THSD7B: variants seen among roughly 807,000 people sequenced by gnomAD.
The protein encoded by THSD7B is thrombospondin type 1 domain containing 7B.
A neutral mutation model predicts 213.6 loss-of-function variants in THSD7B; 138 were observed. The ratio of observed to expected loss-of-function variants is 0.65; its 90% CI spans 0.56 to 0.74. THSD7B has a LOEUF of 0.74. Among genes scored for constraint, THSD7B ranks in the 30% least tolerant of loss-of-function variants. The probability of loss-of-function intolerance (pLI) is 0.00; values close to 1 mark genes in which losing one functional copy is unlikely to be tolerated. For synonymous variants in THSD7B, 742 were observed against 687.0 expected (o/e 1.08, Z -1.25); for missense variants, 1,931 against 1,991.5 (o/e 0.97, Z 0.58).
At chr2:137,499,101 T>G (rs75541325) in intron 15 of THSD7B, among the ~76,000 whole-genome samples, 11,030 of 152,210 alleles carry the variant, frequency 0.072, 453 homozygotes, top group African/African-American at 0.088. Context: ...GGGTAGGCTG[T>G]GTGCCTCTTG....
intron 12 of THSD7B, among the ~76,000 whole-genome samples, chr2:137,404,913 C>T (rs907436037): frequency 6.6e-5 from 10 of 151,858 alleles, no homozygotes; most frequent in African/African-American, 9.7e-5. Flanking sequence ...GTGTACACTG[C>T]TCAGGTGATG....
intron 15 of THSD7B, among the ~76,000 whole-genome samples, chr2:137,542,364 T>A (rs1392817318): frequency 6.6e-6 from 1 of 151,402 alleles, no homozygotes; most frequent in Non-Finnish European, 1.5e-5. Flanking sequence ...TCTTTGAAAA[T>A]TAAGGAGAAA....
chr2:137,428,999 C>G (rs1205491830), intron 14 of THSD7B, among the ~76,000 whole-genome samples: 1 of 152,094 alleles, frequency 6.6e-6, no homozygotes, highest in Non-Finnish European at 1.5e-5. Context: ...CACCAGACAC[C>G]AAGTTTGCCA....
chr2:137,417,397 T>C (rs1338825809), intron 14 of THSD7B, among the ~76,000 whole-genome samples: 6 of 152,138 alleles, frequency 3.9e-5, no homozygotes, highest in Non-Finnish European at 5.9e-5. Context: ...GCTTTTTTTT[T>C]CTAATTCCAG....
intron 12 of THSD7B, among the ~76,000 whole-genome samples, chr2:137,327,136 A>G (rs1429436820): frequency 6.6e-6 from 1 of 152,156 alleles, no homozygotes; most frequent in African/African-American, 2.4e-5. Context: ...TTTGCACTAT[A>G]TGCATATTGT....
chr2:136,820,375 G>A (rs1351538236), intron 1 of THSD7B, among the ~76,000 whole-genome samples: 4 of 152,174 alleles, frequency 2.6e-5, no homozygotes, highest in African/African-American at 9.7e-5. Flanking sequence ...TCCCAACAGT[G>A]AAACAAAGCC....
chr2:137,405,491 CG>C, intron 12 of THSD7B, 121 bp from the exon 13 acceptor site: 2 of 819,334 alleles, frequency 2.4e-6, no homozygotes, highest in Non-Finnish European at 3.7e-6. Flanking sequence ...TGTTGAACAC[CG>C]TTTGCACCAT....
At chr2:136,772,489 A>G (rs1681525545) in intron 1 of THSD7B, among the ~76,000 whole-genome samples, 1 of 152,208 alleles carries the variant, frequency 6.6e-6, no homozygotes, top group African/African-American at 2.4e-5. Flanking sequence ...AAAATTCAGA[A>G]AAGACAGACA....
intron 15 of THSD7B, among the ~76,000 whole-genome samples, chr2:137,517,760 G>A (rs1680098706): frequency 6.6e-6 from 1 of 152,176 alleles, no homozygotes; most frequent in Non-Finnish European, 1.5e-5. Flanking sequence ...TAGGGATGCT[G>A]TTTGGAGCCC....
intron 2 of THSD7B, among the ~76,000 whole-genome samples, chr2:136,916,643 G>A (rs516618): frequency 0.42 from 63,173 of 152,010 alleles, 15,054 homozygotes; most frequent in Non-Finnish European, 0.55. Context: ...TATTTTCCCC[G>A]CTGCTTCTCC....
intron 2 of THSD7B, among the ~76,000 whole-genome samples, chr2:136,969,323 A>G (rs1057083934): frequency 2.0e-5 from 3 of 152,180 alleles, no homozygotes; most frequent in African/African-American, 7.2e-5. Flanking sequence ...TTCTCAGCAC[A>G]TGGCTATGGT....
At position 137,437,350 on chromosome 2, in the gene THSD7B, G is replaced by A. The variant is rs1687316729; in HGVS notation, c.2960-13495G>A. Among the ~76,000 whole-genome samples the A allele has an allele frequency of 2.6e-5, 4 of 152,200 alleles. No homozygotes were observed. In the South Asian group the frequency reaches 8.3e-4, roughly 32 times the overall value. ...ATTGTCTAAACAGTCAGTATAAGGA[G>A]ATGGTCTTGCCTGTGCCCTCACTGC... On this transcript the variant is annotated intron_variant, in intron 14 of 27. Transcript: ENST00000409968.
chr2:136,847,216 A>T (rs1683026179), intron 1 of THSD7B, among the ~76,000 whole-genome samples: 1 of 152,204 alleles, frequency 6.6e-6, no homozygotes, highest in Admixed American at 6.5e-5. Flanking sequence ...ATTGCTAATA[A>T]AGTCAGGGAG....
chr2:137,406,552 G>A (rs951997054), intron 13 of THSD7B, among the ~76,000 whole-genome samples: 1 of 152,210 alleles, frequency 6.6e-6, no homozygotes, highest in Non-Finnish European at 1.5e-5. Context: ...TGAAATTGGT[G>A]TTGACATTGA....
At chr2:137,286,133 C>T (rs1312015193) in intron 12 of THSD7B, among the ~76,000 whole-genome samples, 1 of 151,060 alleles carries the variant, frequency 6.6e-6, no homozygotes, top group East Asian at 1.9e-4. Flanking sequence ...CATTTTCCAA[C>T]GTTATATATT....
chr2:137,242,555 C>T lies in THSD7B; in HGVS notation c.2249C>T (p.Pro750Leu), dbSNP rs753919818. The T allele has an allele frequency of 6.2e-7, 1 of 1,613,336 alleles. No homozygotes were observed. The highest frequency in any genetic ancestry group is 8.5e-7 in the Non-Finnish European group (1 of 1,179,404). The change falls in exon 10 of 28, where the codon CCA (proline) becomes CTA (leucine). Residue 750 changes from proline (P) to leucine (L), a missense_variant. Transcript: ENST00000409968. ...VTAFSEWTPCPRMCQAGNATV... is the reference protein window; with the variant it reads ...VTAFSEWTPCLRMCQAGNATV... ...GCTTTCAGTGAGTGGACACCCTGCC[C>T]AAGGATGTGCCAAGCAGGTAGGTGG...
intron 12 of THSD7B, among the ~76,000 whole-genome samples, chr2:137,352,940 G>C (rs1685045864): frequency 6.6e-6 from 1 of 151,714 alleles, no homozygotes; most frequent in African/African-American, 2.4e-5. Flanking sequence ...GACAGATTTG[G>C]TACATATTTT....
At chr2:137,247,098 C>T (rs1041217827) in intron 10 of THSD7B, among the ~76,000 whole-genome samples, 3 of 152,052 alleles carry the variant, frequency 2.0e-5, no homozygotes, top group African/African-American at 7.2e-5. Context: ...AATTGTTTGC[C>T]GAGGTAGTGT....
At chr2:137,577,125 A>T (rs1292848183) in intron 17 of THSD7B, among the ~76,000 whole-genome samples, 1 of 152,050 alleles carries the variant, frequency 6.6e-6, no homozygotes, top group African/African-American at 2.4e-5. Flanking sequence ...ACTTTCTATA[A>T]TCTGGAGTGT....
Sources: gnomAD v4.1 joint callset for allele counts (sites outside exome capture counted in the v4.1 genomes callset) on GRCh38, gnomAD v4.1.1 for gene constraint, MANE v1.5 for transcripts, NCBI Gene and HGNC (gene_info 2026-07-23, HGNC 2026-07-21) for gene names.